Variants in CFAP77 observed in about 807,000 individuals in gnomAD.
CFAP77 encodes the protein cilia and flagella associated protein 77.
A neutral mutation model predicts 31.1 loss-of-function variants in CFAP77; 25 were observed. The ratio of observed to expected loss-of-function variants is 0.80; its 90% confidence interval spans 0.59 to 1.12. CFAP77 has a LOEUF of 1.12. Ranked by LOEUF, CFAP77 falls within the 50% of genes most tolerant of loss-of-function variation. The pLI, the probability that CFAP77 is intolerant of heterozygous loss-of-function variation, is 0.00. For missense variants in CFAP77, 377 were observed against 397.3 expected (o/e 0.95, Z 0.44); for synonymous variants, 151 against 159.9 (o/e 0.94, Z 0.42).
chr9:132,498,939 T>C lies in CFAP77; in HGVS notation c.295+145T>C. On this transcript the variant is annotated intron_variant, in intron 2 of 5. Coordinates refer to ENST00000393216, the MANE Select transcript of CFAP77 (RefSeq NM_001282957.2). This position sits in a 1 kb window ranked among gnomAD's most constrained non-coding sequence, Gnocchi z 4.2. The stretch of plus-strand genomic sequence containing the variant: ...GGGACCGCCAGCCTGGGCAGCTGAC[T>C]GGTAAAACCCAGGAAGTGGCCCAGA... 1 of 643,330 alleles carries C rather than the reference T, an allele frequency of 1.6e-6. No individual in the cohort carries two copies. Among genetic ancestry groups the C allele is most frequent in the Non-Finnish European group, 2.7e-6 (1 of 370,186 alleles). The allele number at this position is 643,330 out of a possible 1,614,324, so 39.9% of individuals were successfully genotyped here.
chr9:132,486,005 T>TAC (rs1729163229), intron 1 of CFAP77, among the ~76,000 whole-genome samples: 1 of 10,576 alleles, frequency 9.5e-5, no homozygotes, highest in Non-Finnish European at 1.5e-4. Flanking sequence ...TATATATATA[T>TAC]ATATATATAT....
chr9:132,438,199 C>CAAAAA (rs954482789), intron 1 of CFAP77, among the ~76,000 whole-genome samples: 35 of 47,684 alleles, frequency 7.3e-4, no homozygotes, highest in East Asian at 2.2e-3. Context: ...GAGACGCCAT[C>CAAAAA]AAAAAAAAAA....
intron 1 of CFAP77, among the ~76,000 whole-genome samples, chr9:132,453,113 A>G (rs1752916665): frequency 6.6e-6 from 1 of 152,116 alleles, no homozygotes; most frequent in Non-Finnish European, 1.5e-5. Context: ...TGGACCTGAC[A>G]CTCAGCCTTC....
intron 1 of CFAP77, among the ~76,000 whole-genome samples, chr9:132,462,770 C>T (rs544434339): frequency 6.6e-6 from 1 of 152,030 alleles, no homozygotes; most frequent in South Asian, 2.1e-4. Flanking sequence ...GAGCCGAGGT[C>T]GTGCCACCGC....
At chr9:132,436,595 G>T (rs1246929967) in intron 1 of CFAP77, among the ~76,000 whole-genome samples, 3 of 151,896 alleles carry the variant, frequency 2.0e-5, no homozygotes, top group African/African-American at 4.8e-5. Flanking sequence ...ATGGCATGAA[G>T]ATATATGCAG....
chr9:132,434,756 C>T (rs1850474369), intron 1 of CFAP77, among the ~76,000 whole-genome samples: 2 of 152,242 alleles, frequency 1.3e-5, no homozygotes, highest in Admixed American at 6.5e-5. Context: ...ATATAGGAAC[C>T]TGTAGGGGGG....
chr9:132,451,445 C>T lies in CFAP77; in HGVS notation c.195+40979C>T, dbSNP rs144895484. Among the ~76,000 whole-genome samples, 254 of 152,206 alleles carry T rather than the reference C, an allele frequency of 1.7e-3. 2 individuals are homozygous for T. The highest frequency in any genetic ancestry group is 5.7e-3 in the African/African-American group (238 of 41,516). The stretch of plus-strand genomic sequence containing the variant: ...TGGTTTTAACACTCAAGTGAGGGCC[C>T]GGAAGGCCCATGACATTCAATGATT... On this transcript the variant is annotated intron_variant, in intron 1 of 5. Transcript: ENST00000393216.
At chr9:132,516,404 A>G (rs1342417241) in intron 3 of CFAP77, among the ~76,000 whole-genome samples, 1 of 152,126 alleles carries the variant, frequency 6.6e-6, no homozygotes, top group African/African-American at 2.4e-5. Context: ...ACATAATAGT[A>G]GTTCCTGTCT....
At chr9:132,422,838 G>A (rs1225934613) in intron 1 of CFAP77, among the ~76,000 whole-genome samples, 5 of 152,236 alleles carry the variant, frequency 3.3e-5, no homozygotes, top group African/African-American at 9.6e-5. Flanking sequence ...CAGTGGCAGC[G>A]TGCTGCGATG....
At chr9:132,460,800 A>G (rs1851034667) in intron 1 of CFAP77, among the ~76,000 whole-genome samples, 1 of 152,276 alleles carries the variant, frequency 6.6e-6, no homozygotes, top group South Asian at 2.1e-4. Flanking sequence ...ATCTCGGCTC[A>G]CTGCAACCTC....
chr9:132,468,763 TC>T (rs1243726084), intron 1 of CFAP77, among the ~76,000 whole-genome samples: 2 of 149,702 alleles, frequency 1.3e-5, no homozygotes, highest in African/African-American at 4.9e-5. Context: ...TCGGTTGGTA[TC>T]TTTTGAAAGA....
chr9:132,572,502 C>G lies in CFAP77; in HGVS notation c.847C>G (p.His283Asp), dbSNP rs1488411076. Residue 283 changes from histidine to aspartate, a missense_variant, in exon 6 of 6, where the codon CAC becomes GAC. Transcript: ENST00000393216. Reference protein sequence around the residue: ...QGTLRMGNYTHP With the variant: ...QGTLRMGNYTDP ...GACCCTGCGGATGGGCAACTACACC[C>G]ACCCCTAGCCCCTCCCTCCCCTGCC... The G allele has an allele frequency of 6.2e-7, 1 of 1,604,826 alleles. No homozygotes were observed. Among genetic ancestry groups the G allele is most frequent in the African/African-American group, 1.3e-5 (1 of 74,786 alleles).
chr9:132,458,355 G>GT (rs1328332754), intron 1 of CFAP77, among the ~76,000 whole-genome samples: 12 of 133,732 alleles, frequency 9.0e-5, no homozygotes, highest in South Asian at 7.3e-4. Context: ...GGGAGGGGGG[G>GT]GGGTGTGTAT....
At chr9:132,478,930 C>A (rs1851398481) in intron 1 of CFAP77, among the ~76,000 whole-genome samples, 1 of 152,194 alleles carries the variant, frequency 6.6e-6, no homozygotes, top group Non-Finnish European at 1.5e-5. Flanking sequence ...AGTTTGTAAG[C>A]ATTCACTCCA....
rs180880503 is a variant in CFAP77 at position 132,564,738 on chromosome 9, C to T, written c.733-7650C>T. On this transcript the variant is annotated intron_variant, in intron 5 of 5. Transcript: ENST00000393216. The surrounding 1 kb of genome is among the most constrained non-coding windows in gnomAD (Gnocchi z 4.6). ...AAACATTAGTGAAATGTCAAAGGTA[C>T]AATTAAGGATATCAATCAAATGAAA... Among the ~76,000 whole-genome samples, 43 of 152,282 alleles carry T rather than the reference C, an allele frequency of 2.8e-4. No individual in the cohort carries two copies. In the East Asian group the frequency reaches 3.5e-3, roughly 12 times the overall value.
At chr9:132,464,057 G>A (rs1029996722) in intron 1 of CFAP77, among the ~76,000 whole-genome samples, 1 of 152,222 alleles carries the variant, frequency 6.6e-6, no homozygotes, top group Admixed American at 6.5e-5. Context: ...ACAACCTGCT[G>A]TGCTTACAGT....
chr9:132,427,866 A>T (rs779340091), intron 1 of CFAP77, among the ~76,000 whole-genome samples: 15 of 152,170 alleles, frequency 9.9e-5, no homozygotes, highest in Non-Finnish European at 1.9e-4. Flanking sequence ...CAATGACCCT[A>T]TTACCAAATG....
chr9:132,530,829 TAAGA>T (rs571966352), intron 3 of CFAP77, among the ~76,000 whole-genome samples: 23 of 152,342 alleles, frequency 1.5e-4, no homozygotes, highest in Non-Finnish European at 2.6e-4. Flanking sequence ...GTGTTGAGTC[TAAGA>T]AACTCTTTAC....
chr9:132,456,746 TA>T (rs200062979), intron 1 of CFAP77, among the ~76,000 whole-genome samples: 1 of 151,830 alleles, frequency 6.6e-6, no homozygotes, highest in Non-Finnish European at 1.5e-5. Context: ...ACTGGAGATT[TA>T]AAAAAAATTT....
Sources: allele counts gnomAD v4.1 joint callset (sites outside exome capture counted in the v4.1 genomes callset), GRCh38; gene constraint gnomAD v4.1.1; non-coding constraint Gnocchi (gnomAD v3.1); transcripts MANE v1.5; gene names NCBI Gene and HGNC (gene_info 2026-07-23, HGNC 2026-07-21).